The following WNT10B variants were observed in gnomAD, a reference collection of about 807,000 sequenced individuals.
WNT10B encodes the protein Wnt family member 10B.
In WNT10B, 26 loss-of-function variants were observed where a neutral mutation model predicts 32.7. That is an observed-to-expected ratio of 0.79 (90% CI 0.58 to 1.10). The LOEUF (loss-of-function observed/expected upper bound fraction) is 1.10. WNT10B is among the 50% of genes least tolerant of loss of function. The pLI, the probability that WNT10B is intolerant of heterozygous loss-of-function variation, is 0.00. For missense variants in WNT10B, 474 were observed against 532.5 expected (o/e 0.89, Z 1.08); for synonymous variants, 204 against 220.4 (o/e 0.93, Z 0.66).
Position 48,970,050 on chromosome 12 carries a change from A to C in WNT10B, c.337+39T>G. On this transcript the variant is annotated intron_variant, in intron 3 of 4. Transcript: ENST00000301061. The surrounding 1 kb of genome is among the most constrained non-coding windows in gnomAD (Gnocchi z 5.0). The stretch of plus-strand genomic sequence containing the variant: ...CGCCTCGCCCTGCCGCCCACCCCCT[A>C]GCCTCCGCGGCAGCGCCGACCCGCC... The C allele has an allele frequency of 4.8e-6, 7 of 1,459,664 alleles. No homozygotes were observed. Among genetic ancestry groups the C allele is most frequent in the Non-Finnish European group, 6.3e-6 (7 of 1,109,512 alleles). The allele number at this position is 1,459,664 out of a possible 1,614,324, so 90.4% of individuals were successfully genotyped here. A position where few individuals can be genotyped will look rare whatever the true frequency, so the allele number is the denominator to read the frequency against.
Position 48,966,294 on chromosome 12 carries a change from A to T in WNT10B, c.971T>A (p.Met324Lys). Residue 324 changes from methionine (M) to lysine (K), a missense_variant, in exon 5 of 5, where the codon ATG (methionine) becomes AAG (lysine). Coordinates refer to ENST00000301061, the MANE Select transcript of WNT10B (RefSeq NM_003394.4). Reference protein sequence around the residue: ...SPDFCERDPTMGSPGTRGRAC... With the variant: ...SPDFCERDPTKGSPGTRGRAC... ...CCGGCCCCTTGTCCCTGGGGAGCCC[A>T]TAGTGGGGTCTCGCTCACAGAAGTC... The T allele has an allele frequency of 1.9e-6, 3 of 1,614,200 alleles. No homozygotes were observed. The highest frequency in any genetic ancestry group is 2.5e-6 in the Non-Finnish European group (3 of 1,180,024).
chr12:48,970,187 A>G lies in WNT10B; in HGVS notation c.239T>C (p.Val80Ala). Residue 80 changes from valine (V) to alanine (A), a missense_variant, in exon 3 of 5, where the codon GTC (valine) becomes GCC (alanine). Val to Ala is a moderately conservative substitution (Grantham distance 64, BLOSUM62 0). Coordinates refer to ENST00000301061, the MANE Select transcript of WNT10B (RefSeq NM_003394.4). This position sits in a 1 kb window ranked among gnomAD's most constrained non-coding sequence, Gnocchi z 5.0. The stretch of plus-strand genomic sequence containing the variant: ...GCGCAGCTGGTGCTGACACTCGTGG[A>G]CCGCGATGTGCAGACCCTGAAGCGC... ...ASALQGLHIA[V>A]HECQHQLRDQ... The G allele has an allele frequency of 1.9e-6, 3 of 1,574,390 alleles. No individual in the cohort carries two copies. Among genetic ancestry groups the G allele is most frequent in the South Asian group, 1.2e-5 (1 of 86,820 alleles).
In WNT10B at chr12:48,968,335, G is replaced by A. The variant is rs1484349227; in HGVS notation, c.338-16C>T. The A allele has an allele frequency of 1.3e-6, 2 of 1,599,942 alleles. No homozygotes were observed. The highest frequency in any genetic ancestry group is 3.3e-5 in the Admixed American group (2 of 60,024). ...TCTCGGAAACCTGGGGATGAGAAGG[G>A]TGTGATGGTGGAGGTAAGGTTGACA... On this transcript the variant is annotated splice_polypyrimidine_tract_variant and intron_variant, in intron 3 of 4. Transcript: ENST00000301061.
At chr12:48,969,424 C>G (rs1055791443) in intron 3 of WNT10B, among the ~76,000 whole-genome samples, 2 of 152,180 alleles carry the variant, frequency 1.3e-5, no homozygotes, top group Non-Finnish European at 1.5e-5. Context: ...GTCTTTACAC[C>G]TCAGGGAGTG....
In WNT10B at chr12:48,968,256, G is replaced by A. The variant is rs200652260; in HGVS notation, c.401C>T (p.Thr134Met). The change falls in exon 4 of 5, where the codon ACG (threonine) becomes ATG (methionine). Residue 134 changes from threonine (T) to methionine (M), a missense_variant. Transcript: ENST00000301061. ...CACCAGCTTGCCCAGGCTGCAGGCCGTGGCTACTGCGTGCATGACCCCAGC... is the reference window on the plus strand; with the variant it reads ...CACCAGCTTGCCCAGGCTGCAGGCCATGGCTACTGCGTGCATGACCCCAGC... The part of the protein sequence containing the change: ...LAAGVMHAVA[T>M]ACSLGKLVSC... 2.8e-5 allele frequency: 45 copies of A among 1,608,912 alleles called. No individual in the cohort carries two copies. The highest frequency in any genetic ancestry group is 3.7e-5 in the Non-Finnish European group (44 of 1,180,028).
rs1409989936 is a variant in WNT10B at position 48,971,525 on chromosome 12, A to G, written c.-111T>C. 6.6e-6 allele frequency: 1 copy of G among 152,214 alleles called. No individual in the cohort carries two copies. Among genetic ancestry groups the G allele is most frequent in the East Asian group, 1.9e-4 (1 of 5,158 alleles). The allele number at this position is 152,214 out of a possible 1,614,324, so 9.4% of individuals were successfully genotyped here. ...GCCTGGGCTTCACTAGTGCTGCTTA[A>G]ACCGTGGGGAGACTGCGCTGGGTTC... is the stretch of plus-strand genomic sequence containing the variant. On this transcript the variant is annotated 5_prime_UTR_variant, in exon 1 of 5. Transcript: ENST00000301061.
intron 3 of WNT10B, among the ~76,000 whole-genome samples, chr12:48,969,626 G>A (rs1940808577): frequency 6.6e-6 from 1 of 152,162 alleles, no homozygotes. Context: ...TGGCTCCTGG[G>A]AACCCCAGCA....
rs1167310877 is a variant in WNT10B at position 48,971,500 on chromosome 12, G to A, written c.-86C>T. The A allele has an allele frequency of 1.3e-5, 2 of 152,376 alleles. No individual in the cohort carries two copies. The highest frequency in any genetic ancestry group is 3.9e-4 in the East Asian group (2 of 5,172). 9.4% of individuals were successfully genotyped at this position (152,376 alleles called of 1,614,324 possible). A position where few individuals can be genotyped will look rare whatever the true frequency, so the allele number is the denominator to read the frequency against. On this transcript the variant is annotated 5_prime_UTR_variant, in exon 1 of 5. Coordinates refer to ENST00000301061, the MANE Select transcript of WNT10B (RefSeq NM_003394.4). Reference sequence around the variant, plus strand: ...GGTCCGAGACAGGCACGGTTGGGTTGCCTGGGCTTCACTAGTGCTGCTTAA... The same window carrying A: ...GGTCCGAGACAGGCACGGTTGGGTTACCTGGGCTTCACTAGTGCTGCTTAA...
chr12:48,970,541 G>A lies in WNT10B; in HGVS notation c.-12C>T, dbSNP rs773974219. On this transcript the variant is annotated 5_prime_UTR_variant, in exon 2 of 5. Coordinates refer to ENST00000301061, the MANE Select transcript of WNT10B (RefSeq NM_003394.4). The surrounding 1 kb of genome is among the most constrained non-coding windows in gnomAD (Gnocchi z 5.0). ...GGCTCCTCCAGCATGTCGAAGCCCGGAGGCTCCGGTGGGCAGATCGATCAG... is the reference window on the plus strand; with the variant it reads ...GGCTCCTCCAGCATGTCGAAGCCCGAAGGCTCCGGTGGGCAGATCGATCAG... 5.7e-5 allele frequency: 90 copies of A among 1,569,094 alleles called. No homozygotes were observed. The highest frequency in any genetic ancestry group is 8.6e-6 in the Non-Finnish European group (10 of 1,156,696).
chr12:48,968,168 C>T lies in WNT10B; in HGVS notation c.489G>A (p.Gln163=). 2 of 1,614,196 alleles carry T rather than the reference C, an allele frequency of 1.2e-6. No individual in the cohort carries two copies. The highest frequency in any genetic ancestry group is 1.7e-6 in the Non-Finnish European group (2 of 1,180,044). Residue 163 remains glutamine (Q), a synonymous_variant, in exon 4 of 5, where the codon CAG becomes CAA. Coordinates refer to ENST00000301061, the MANE Select transcript of WNT10B (RefSeq NM_003394.4). The part of the protein sequence containing the change: ...EQDRLRAKLL[Q]LQALSRGKSF... Reference sequence around the variant, plus strand: ...TCTTGCCTCGGGACAGTGCCTGCAGCTGCAGCAGTTTGGCCCTCAGCCGAT... The same window carrying T: ...TCTTGCCTCGGGACAGTGCCTGCAGTTGCAGCAGTTTGGCCCTCAGCCGAT...
intron 4 of WNT10B, among the ~76,000 whole-genome samples, chr12:48,967,329 G>T (rs1245001096): frequency 6.6e-6 from 1 of 152,022 alleles, no homozygotes; most frequent in Admixed American, 6.6e-5. Context: ...CCATGCCCGG[G>T]TAATTTTTTG....
chr12:48,968,284 C>A lies in WNT10B; in HGVS notation c.373G>T (p.Ala125Ser). ...GCTACTGCGTGCATGACCCCAGCAG[C>A]CAGCATGGAGAAGGAAAAAGCACTT... ...RESAFSFSML[A>S]AGVMHAVATA... Residue 125 changes from alanine to serine, a missense_variant, in exon 4 of 5, where the codon GCT (alanine) becomes TCT (serine). By Grantham distance (99) the Ala-to-Ser change is moderately conservative. Coordinates refer to ENST00000301061, the MANE Select transcript of WNT10B (RefSeq NM_003394.4). The A allele has an allele frequency of 6.2e-7, 1 of 1,604,618 alleles. No individual in the cohort carries two copies. Among genetic ancestry groups the A allele is most frequent in the East Asian group, 2.2e-5 (1 of 44,892 alleles).
rs749553356 is a variant in WNT10B, at chr12:48,966,447, G to A, written c.818C>T (p.Ala273Val). The A allele has an allele frequency of 2.2e-5, 36 of 1,613,878 alleles. No homozygotes were observed. The highest frequency in any genetic ancestry group is 2.2e-4 in the South Asian group (20 of 91,084). Residue 273 changes from alanine (A) to valine (V), a missense_variant, in exon 5 of 5, where the codon GCG (alanine) becomes GTG (valine). By Grantham distance (64) the Ala-to-Val change is moderately conservative. Coordinates refer to ENST00000301061, the MANE Select transcript of WNT10B (RefSeq NM_003394.4). ...CCGGCCCAGCCGCTCCCTCAACGCC[G>A]CCCCCACTGCCCGGAACTCTGGGGC... is the stretch of plus-strand genomic sequence containing the variant. ...RAAPEFRAVG[A>V]ALRERLGRAI...
Position 48,966,526 on chromosome 12 carries a change from A to T in WNT10B, c.739T>A (p.Cys247Ser), listed in dbSNP as rs752494421. 55 of 1,613,698 alleles carry T rather than the reference A, an allele frequency of 3.4e-5. No homozygotes were observed. Among genetic ancestry groups the T allele is most frequent in the Non-Finnish European group, 4.4e-5 (52 of 1,180,022 alleles). ...CTGCCTGATGTGCCATGACACTTGC[A>T]TTTCCGCTTCAGGTTTTCAGTTACC... ...QVVTENLKRKCKCHGTSGSCQ... is the reference protein window; with the variant it reads ...QVVTENLKRKSKCHGTSGSCQ... The change falls in exon 5 of 5, where the codon TGC becomes AGC. Residue 247 changes from cysteine to serine, a missense_variant. By Grantham distance (112) the Cys-to-Ser change is moderately radical (BLOSUM62 -1). Coordinates refer to ENST00000301061, the MANE Select transcript of WNT10B (RefSeq NM_003394.4).
At position 48,970,407 on chromosome 12, in the gene WNT10B, AC is replaced by A; in HGVS notation, c.74+48del. The A allele has an allele frequency of 6.2e-7, 1 of 1,613,262 alleles. No homozygotes were observed. The highest frequency in any genetic ancestry group is 8.5e-7 in the Non-Finnish European group (1 of 1,179,760). ...GGTCCAGACCCCTCCAACTCTCCCCACCCCGGGTCGGTGTTTCTATGGCCTG... is the reference window on the plus strand; with the variant it reads ...GGTCCAGACCCCTCCAACTCTCCCCACCCGGGTCGGTGTTTCTATGGCCTG... On this transcript the variant is annotated intron_variant, in intron 2 of 4. Coordinates refer to ENST00000301061, the MANE Select transcript of WNT10B (RefSeq NM_003394.4). The surrounding 1 kb of genome is among the most constrained non-coding windows in gnomAD (Gnocchi z 5.0).
At chr12:48,967,165 C>CTT (rs35075432) in intron 4 of WNT10B, among the ~76,000 whole-genome samples, 3 of 104,382 alleles carry the variant, frequency 2.9e-5, no homozygotes, top group African/African-American at 1.2e-4. Context: ...TAATTTTTGT[C>CTT]TTTTTTTTTT....
rs763579407 is a variant in WNT10B, at chr12:48,970,445, G to C, written c.74+11C>G. On this transcript the variant is annotated intron_variant, in intron 2 of 4. Coordinates refer to ENST00000301061, the MANE Select transcript of WNT10B (RefSeq NM_003394.4). The surrounding 1 kb of genome is among the most constrained non-coding windows in gnomAD (Gnocchi z 5.0). Reference sequence around the variant, plus strand: ...GTTTCTATGGCCTGGGAGACAAGGGGAACTGCTCACCGACTGCACAACGCC... The same window carrying C: ...GTTTCTATGGCCTGGGAGACAAGGGCAACTGCTCACCGACTGCACAACGCC... The C allele has an allele frequency of 4.3e-6, 7 of 1,613,578 alleles. No individual in the cohort carries two copies. The South Asian group carries it at 6.6e-5, about 15-fold the overall frequency.
In WNT10B at chr12:48,965,649, G is replaced by A. The variant is rs1404718791; in HGVS notation, c.*446C>T. On this transcript the variant is annotated 3_prime_UTR_variant, in exon 5 of 5. Transcript: ENST00000301061. ...AAGAGGGAGCCCAGGCTGCAGTAAA[G>A]GAGTTTGGGGATAGTACATAGGAGT... 2 of 166,350 alleles carry A rather than the reference G, an allele frequency of 1.2e-5. No individual in the cohort carries two copies. The highest frequency in any genetic ancestry group is 2.6e-5 in the Non-Finnish European group (2 of 76,198). The allele number at this position is 166,350 out of a possible 1,614,324, so 10.3% of individuals were successfully genotyped here. A position where few individuals can be genotyped will look rare whatever the true frequency, so the allele number is the denominator to read the frequency against.
chr12:48,967,707 C>T (rs952394086), intron 4 of WNT10B, among the ~76,000 whole-genome samples: 12 of 152,288 alleles, frequency 7.9e-5, no homozygotes, highest in African/African-American at 2.6e-4. Context: ...CCCCCTCAGC[C>T]TCCAAAAGTG....
Sources: allele counts gnomAD v4.1 joint callset (sites outside exome capture counted in the v4.1 genomes callset), GRCh38; gene constraint gnomAD v4.1.1; non-coding constraint Gnocchi (gnomAD v3.1); transcripts MANE v1.5; gene names NCBI Gene and HGNC (gene_info 2026-07-23, HGNC 2026-07-21).